Variants in LPP observed in about 807,000 individuals in gnomAD.
The protein encoded by LPP is LIM domain containing preferred translocation partner in lipoma, also known as lipoma-preferred partner.
Under a neutral mutation model 60.4 loss-of-function variants are expected in LPP, and 38 were observed. The ratio of observed to expected loss-of-function variants is 0.63; its 90% CI spans 0.49 to 0.83. LPP has a LOEUF of 0.83. Among genes scored for constraint, LPP ranks in the 40% least tolerant of loss-of-function variants. The pLI, the probability that LPP is intolerant of heterozygous loss-of-function variation, is 0.00. For missense variants in LPP, 902 were observed against 783.6 expected (o/e 1.15, Z -1.80); for synonymous variants, 328 against 290.8 (o/e 1.13, Z -1.30).
chr3:188,822,831 T>C (rs758554026), intron 9 of LPP, among the ~76,000 whole-genome samples: 6 of 152,130 alleles, frequency 3.9e-5, no homozygotes, highest in South Asian at 2.1e-4. Flanking sequence ...GTGTCTAAAA[T>C]TGGGGACCAT....
chr3:188,640,279 A>G (rs144170499), intron 7 of LPP, among the ~76,000 whole-genome samples: 193 of 150,820 alleles, frequency 1.3e-3, no homozygotes, highest in African/African-American at 4.5e-3. Context: ...CAAAAAACCA[A>G]ACACCACATA....
At chr3:188,711,071 C>T (rs2149730225) in intron 8 of LPP, 1 of 152,164 alleles carries the variant, frequency 6.6e-6, no homozygotes, top group East Asian at 1.9e-4. Context: ...CTCCCATGCT[C>T]TTGGGGCTTA....
chr3:188,279,534 C>T (rs1035455785), intron 2 of LPP, among the ~76,000 whole-genome samples: 4 of 152,200 alleles, frequency 2.6e-5, no homozygotes, highest in African/African-American at 9.7e-5. Flanking sequence ...CAATGATATG[C>T]TTTCAGATTC....
chr3:188,319,893 G>GTCT (rs138307172), intron 2 of LPP, among the ~76,000 whole-genome samples: 3,753 of 152,142 alleles, frequency 0.025, 142 homozygotes, highest in African/African-American at 0.085. Context: ...TAGTCATCCT[G>GTCT]TCTTCTTTGT....
At chr3:188,742,497 A>T (rs1344108109) in intron 8 of LPP, among the ~76,000 whole-genome samples, 1 of 152,158 alleles carries the variant, frequency 6.6e-6, no homozygotes, top group Non-Finnish European at 1.5e-5. Flanking sequence ...AATACATGAA[A>T]AAAATCTTAA....
intron 2 of LPP, among the ~76,000 whole-genome samples, chr3:188,291,815 G>C (rs1229539600): frequency 6.6e-6 from 1 of 152,038 alleles, no homozygotes; most frequent in Non-Finnish European, 1.5e-5. Flanking sequence ...AGAAATGGTG[G>C]ATCTGTGGTT....
chr3:188,856,189 A>G (rs1032839219), intron 9 of LPP, among the ~76,000 whole-genome samples: 29 of 152,328 alleles, frequency 1.9e-4, no homozygotes, highest in African/African-American at 6.7e-4. Flanking sequence ...ATTGGCTCAT[A>G]GACTTCTCTG....
At chr3:188,261,743 C>T (rs1423904872) in intron 2 of LPP, among the ~76,000 whole-genome samples, 5 of 37,950 alleles carry the variant, frequency 1.3e-4, no homozygotes, top group African/African-American at 9.5e-4. Context: ...CCCTGTCTCT[C>T]CAAAAAAAAA....
chr3:188,445,463 G>A (rs1795007925), intron 4 of LPP, among the ~76,000 whole-genome samples: 1 of 152,022 alleles, frequency 6.6e-6, no homozygotes, highest in African/African-American at 2.4e-5. Context: ...CACAGGGAGG[G>A]TAACATCACA....
At position 188,217,421 on chromosome 3, in the gene LPP, C is replaced by T. The variant is rs2149258133; in HGVS notation, c.-189-7984C>T. ...TAGCAGGTGGTGGTAAGTGAGAGAC[C>T]TGAGCTTCTTAGACCTGAGTCCAGA... On this transcript the variant is annotated intron_variant, in intron 1 of 11. Coordinates refer to ENST00000617246, the MANE Select transcript of LPP (RefSeq NM_001375462.1). The surrounding 1 kb of genome is among the most constrained non-coding windows in gnomAD (Gnocchi z 4.0). 6.6e-6 allele frequency among the ~76,000 whole-genome samples: 1 copy of T among 152,222 alleles called. No individual in the cohort carries two copies. Among genetic ancestry groups the T allele is most frequent in the Middle Eastern group, 3.4e-3 (1 of 294 alleles).
chr3:188,769,732 T>C (rs1441279274), intron 9 of LPP, among the ~76,000 whole-genome samples: 1 of 152,158 alleles, frequency 6.6e-6, no homozygotes, highest in African/African-American at 2.4e-5. Flanking sequence ...ACTACTTTCT[T>C]TGGGACCGAC....
intron 7 of LPP, 22 bp from the exon 8 acceptor site, chr3:188,708,245 C>T (rs758400752): frequency 1.1e-4 from 177 of 1,613,314 alleles, no homozygotes; most frequent in Non-Finnish European, 1.4e-4. Context: ...AATTAAAGGA[C>T]TGTGTGCTTT....
intron 1 of LPP, among the ~76,000 whole-genome samples, chr3:188,159,997 C>T (rs1417128798): frequency 1.3e-5 from 2 of 152,322 alleles, no homozygotes; most frequent in Middle Eastern, 3.4e-3. Context: ...ACTGCAACCT[C>T]CACCCCCTGG....
intron 4 of LPP, among the ~76,000 whole-genome samples, chr3:188,426,781 T>C (rs148620252): frequency 2.6e-5 from 4 of 152,240 alleles, no homozygotes; most frequent in African/African-American, 7.2e-5. Context: ...AACCCCTGCT[T>C]TTTTTTGCTT....
intron 2 of LPP, among the ~76,000 whole-genome samples, chr3:188,275,441 C>T (rs1172627462): frequency 1.3e-5 from 2 of 152,138 alleles, no homozygotes; most frequent in African/African-American, 4.8e-5. Context: ...CTCATCTCAG[C>T]CTGGAACTCC....
At chr3:188,509,687 T>TTCCTTCCTTCCTTCCTTCCTTCCTTCC in intron 5 of LPP, among the ~76,000 whole-genome samples, 1 of 87,358 alleles carries the variant, frequency 1.1e-5, no homozygotes, top group Non-Finnish European at 2.3e-5. Context: ...CCTTCCTTCC[T>TTCCTTCCTTCCTTCCTTCCTTCCTTCC]CTCTCTCTCT....
At chr3:188,370,870 C>T (rs570848813) in intron 3 of LPP, among the ~76,000 whole-genome samples, 33 of 152,318 alleles carry the variant, frequency 2.2e-4, no homozygotes, top group African/African-American at 7.9e-4. Flanking sequence ...CGTAACTCTA[C>T]TGGTGTCTCT....
chr3:188,184,685 CTTTTTT>C (rs34173936), intron 1 of LPP, among the ~76,000 whole-genome samples: 14 of 124,704 alleles, frequency 1.1e-4, no homozygotes, highest in African/African-American at 4.2e-4. Context: ...CTCCGGTAAA[CTTTTTT>C]TTTTTTTTTT....
At chr3:188,188,525 AC>A (rs1727248479) in intron 1 of LPP, among the ~76,000 whole-genome samples, 1 of 151,720 alleles carries the variant, frequency 6.6e-6, no homozygotes, top group African/African-American at 2.4e-5. Context: ...ATCATCTCCA[AC>A]TGGATCATCA....
Sources: gnomAD v4.1 joint callset for allele counts (sites outside exome capture counted in the v4.1 genomes callset) on GRCh38, gnomAD v4.1.1 for gene constraint, Gnocchi (gnomAD v3.1) non-coding constraint, MANE v1.5 for transcripts, NCBI Gene and HGNC (gene_info 2026-07-23, HGNC 2026-07-21) for gene names.